The following WBP2 variants were observed in gnomAD, a reference collection of about 807,000 sequenced individuals.
WBP2 encodes WW domain-binding protein 2.
WBP2 carries 23 observed loss-of-function variants against 33.0 expected under a neutral mutation model. The observed-to-expected ratio is 0.70, with a 90% CI of 0.50 to 0.99. The LOEUF is 0.99. WBP2 is among the 50% of genes least tolerant of loss of function. The pLI, the probability that WBP2 is intolerant of heterozygous loss-of-function variation, is 0.00. For synonymous variants in WBP2, 153 were observed against 133.5 expected, an observed-to-expected ratio of 1.15 and a Z score of -1.01; for missense variants, 353 against 358.0, an observed-to-expected ratio of 0.99 and a Z score of 0.11.
intron 2 of WBP2, among the ~76,000 whole-genome samples, chr17:75,850,536 C>T (rs983234854): frequency 2.6e-5 from 4 of 152,282 alleles, no homozygotes; most frequent in Non-Finnish European, 5.9e-5. Context: ...TGAGCCACCG[C>T]ACCCGGCCCC....
At chr17:75,854,194 T>C (rs1458473873) in intron 1 of WBP2, among the ~76,000 whole-genome samples, 1 of 152,070 alleles carries the variant, frequency 6.6e-6, no homozygotes, top group Non-Finnish European at 1.5e-5. Context: ...CATTTTCCTC[T>C]GACTCATCAA....
rs571395752 is a variant in WBP2 at position 75,847,679 on chromosome 17, C to T, written c.533-70G>A. ...CGGCCCCCTCCCGGGTGAGGGGGGC[C>T]TCTCCAGCTCCTTCGTTGGTCCTGA... On this transcript the variant is annotated intron_variant, in intron 5 of 7. Transcript: ENST00000254806. 5.0e-6 allele frequency: 8 copies of T among 1,598,072 alleles called. No individual in the cohort carries two copies. The South Asian group carries it at 8.9e-5, about 18-fold the overall frequency.
intron 1 of WBP2, 60 bp downstream of exon 1, chr17:75,855,179 C>T: frequency 7.2e-7 from 1 of 1,395,136 alleles, no homozygotes; most frequent in Non-Finnish European, 1.0e-6. Flanking sequence ...CCACCACCCA[C>T]CGCCCACTTC....
Position 75,847,506 on chromosome 17 carries a change from A to T in WBP2, c.636T>A (p.Asp212Glu). Residue 212 changes from aspartate to glutamate, a missense_variant, in exon 6 of 8, where the codon GAT becomes GAA. By Grantham distance (45) the Asp-to-Glu change is conservative. Transcript: ENST00000254806. Reference sequence around the variant, plus strand: ...CCTCACCTGCAGGAGTGGAGGGGACATCGGGGCCGCTGACCGGAGGTTCCA... The same window carrying T: ...CCTCACCTGCAGGAGTGGAGGGGACTTCGGGGCCGCTGACCGGAGGTTCCA... ...GPMEPPVSGP[D>E]VPSTPAAEAK... 1 of 1,591,504 alleles carries T rather than the reference A, an allele frequency of 6.3e-7. No individual in the cohort carries two copies. Among genetic ancestry groups the T allele is most frequent in the South Asian group, 1.1e-5 (1 of 87,928 alleles).
chr17:75,850,677 T>G (rs1426575412), intron 2 of WBP2, among the ~76,000 whole-genome samples: 2 of 152,126 alleles, frequency 1.3e-5, no homozygotes, highest in Admixed American at 1.3e-4. Context: ...GTGCTCCTCT[T>G]CTTCCAGCTG....
chr17:75,847,959 G>C, intron 4 of WBP2, 29 bp from the exon 5 acceptor site: 1 of 1,558,058 alleles, frequency 6.4e-7, no homozygotes, highest in Non-Finnish European at 8.7e-7. Flanking sequence ...AGAGAAATGA[G>C]CGTGGCCTGC....
intron 3 of WBP2, 40 bp downstream of exon 3, chr17:75,849,564 C>T (rs774430344): frequency 1.2e-6 from 2 of 1,612,052 alleles, no homozygotes; most frequent in Non-Finnish European, 1.7e-6. Context: ...GGACACCTCC[C>T]TGCAGGCCCC....
At position 75,847,651 on chromosome 17, in the gene WBP2, C is replaced by T. The variant is rs188021353; in HGVS notation, c.533-42G>A. The stretch of plus-strand genomic sequence containing the variant: ...TAACAAGGACATGGTGAGCACCCGG[C>T]TGCGGCCCCCTCCCGGGTGAGGGGG... On this transcript the variant is annotated intron_variant, in intron 5 of 7. Transcript: ENST00000254806. The T allele has an allele frequency of 4.3e-6, 7 of 1,611,708 alleles. No homozygotes were observed. The South Asian group carries it at 5.5e-5, about 13-fold the overall frequency.
At chr17:75,848,906 C>G in intron 3 of WBP2, 1 of 557,304 alleles carries the variant, frequency 1.8e-6, no homozygotes, top group Non-Finnish European at 3.2e-6. Context: ...GCCTCTCCTT[C>G]CTGGAACAAG....
At chr17:75,848,158 AGGCTGGAG>A in intron 4 of WBP2, 1 of 630,888 alleles carries the variant, frequency 1.6e-6, no homozygotes, top group Non-Finnish European at 2.8e-6. Context: ...GTCAAGGGCA[AGGCTGGAG>A]GGTGGACAGA....
rs1450462528 is a variant in WBP2, at chr17:75,855,284, T to C, written c.14A>G (p.Lys5Arg). The change falls in exon 1 of 8, where the codon AAG (lysine) becomes AGG (arginine). Residue 5 changes from lysine (K) to arginine (R), a missense_variant. Coordinates refer to ENST00000254806, the MANE Select transcript of WBP2 (RefSeq NM_012478.4). MALN[K>R]NHSEGGGVIV... ...CACTCCGCCGCCCTCCGAGTGATTC[T>C]TGTTGAGCGCCATAGTCTCTCCAAC... 2 of 1,612,810 alleles carry C rather than the reference T, an allele frequency of 1.2e-6. No individual in the cohort carries two copies. Among genetic ancestry groups the C allele is most frequent in the Non-Finnish European group, 1.7e-6 (2 of 1,179,924 alleles).
chr17:75,846,823 G>C lies in WBP2; in HGVS notation c.733-36C>G. The C allele has an allele frequency of 1.2e-6, 2 of 1,600,708 alleles. No homozygotes were observed. The highest frequency in any genetic ancestry group is 1.7e-6 in the Non-Finnish European group (2 of 1,172,778). On this transcript the variant is annotated intron_variant, in intron 7 of 7. Coordinates refer to ENST00000254806, the MANE Select transcript of WBP2 (RefSeq NM_012478.4). This position sits in a 1 kb window ranked among gnomAD's most constrained non-coding sequence, Gnocchi z 4.8. ...GAGAAAGGAGAGACTTGCATTAGAA[G>C]GTTTAAAACATGGTGCGGTCATCCC...
At position 75,846,175 on chromosome 17, in the gene WBP2, AG is replaced by A. The variant is rs1215210398; in HGVS notation, c.*558del. 1.3e-5 allele frequency: 2 copies of A among 153,794 alleles called. No individual in the cohort carries two copies. The highest frequency in any genetic ancestry group is 4.8e-5 in the African/African-American group (2 of 41,472). The allele number at this position is 153,794 out of a possible 1,614,324, so 9.5% of individuals were successfully genotyped here. ...CATTTTACAGCTTCAAAAGTCACAC[AG>A]GGTGGCAACAACATGACCCAGGACA... On this transcript the variant is annotated 3_prime_UTR_variant, in exon 8 of 8. Coordinates refer to ENST00000254806, the MANE Select transcript of WBP2 (RefSeq NM_012478.4). This position sits in a 1 kb window ranked among gnomAD's most constrained non-coding sequence, Gnocchi z 4.8.
chr17:75,850,122 C>T (rs190875345), intron 2 of WBP2, among the ~76,000 whole-genome samples: 2 of 152,262 alleles, frequency 1.3e-5, no homozygotes, highest in East Asian at 1.9e-4. Flanking sequence ...AGCCTGAACT[C>T]TCCAGAACTG....
intron 1 of WBP2, among the ~76,000 whole-genome samples, chr17:75,854,803 T>G (rs750435492): frequency 5.3e-5 from 8 of 152,330 alleles, no homozygotes; most frequent in Non-Finnish European, 1.2e-4. Flanking sequence ...CCACTTTCCC[T>G]ACCTGTGAAA....
chr17:75,854,311 C>T (rs1335155313), intron 1 of WBP2, among the ~76,000 whole-genome samples: 5 of 152,144 alleles, frequency 3.3e-5, no homozygotes, highest in Non-Finnish European at 7.3e-5. Flanking sequence ...GCTCCTTCTG[C>T]CTTCAAGAGG....
Position 75,851,640 on chromosome 17 carries a change from G to A in WBP2, c.96C>T (p.Phe32=), listed in dbSNP as rs1044768901. The part of the protein sequence containing the change: ...LMSYDHVELT[F]NDMKNVPEAF... ...CTTCTGGCACGTTCTTCATGTCATT[G>A]AATGTGAGTTCCACGTGATCATAGG... Residue 32 remains phenylalanine, a synonymous_variant, in exon 2 of 8, where the codon TTC becomes TTT. Coordinates refer to ENST00000254806, the MANE Select transcript of WBP2 (RefSeq NM_012478.4). The A allele has an allele frequency of 1.2e-6, 2 of 1,613,720 alleles. No homozygotes were observed. The highest frequency in any genetic ancestry group is 1.7e-6 in the Non-Finnish European group (2 of 1,179,718).
At chr17:75,850,819 G>A (rs377512939) in intron 2 of WBP2, among the ~76,000 whole-genome samples, 1 of 151,944 alleles carries the variant, frequency 6.6e-6, no homozygotes, top group African/African-American at 2.4e-5. Context: ...CTTACCTCTC[G>A]GGTAGCTGAG....
At chr17:75,855,649 C>A (rs1270618516), upstream of WBP2, among the ~76,000 whole-genome samples, 1 of 152,254 alleles carries the variant, frequency 6.6e-6, no homozygotes, top group Non-Finnish European at 1.5e-5. Flanking sequence ...ATCCCCACCC[C>A]GCCTCTTCAG....
Sources: gnomAD v4.1 joint callset for allele counts (sites outside exome capture counted in the v4.1 genomes callset) on GRCh38, gnomAD v4.1.1 for gene constraint, Gnocchi (gnomAD v3.1) non-coding constraint, MANE v1.5 for transcripts, NCBI Gene and HGNC (gene_info 2026-07-23, HGNC 2026-07-21) for gene names.